Variants in EHMT1 observed in about 807,000 individuals in gnomAD.
The protein encoded by EHMT1 is euchromatic histone lysine methyltransferase 1.
Under a neutral mutation model 147.2 loss-of-function variants are expected in EHMT1, and 15 were observed. The ratio of observed to expected loss-of-function variants is 0.10; its 90% CI spans 0.07 to 0.16. The LOEUF (loss-of-function observed/expected upper bound fraction) is 0.16. Ranked by LOEUF, EHMT1 falls within the 10% of genes least tolerant of loss-of-function variation. The pLI is 1.00. For missense variants in EHMT1, 1,587 were observed against 1,772.4 expected (o/e 0.90, Z 1.88); for synonymous variants, 795 against 709.6 (o/e 1.12, Z -1.91).
chr9:137,774,971 C>A, intron 10 of EHMT1, 138 bp from the exon 11 acceptor site: 1 of 1,226,906 alleles, frequency 8.2e-7, no homozygotes, highest in Non-Finnish European at 1.2e-6. Context: ...CAAAGCCAAG[C>A]TGGCCTTGCA....
At chr9:137,821,394 C>G (rs1304109989) in intron 25 of EHMT1, among the ~76,000 whole-genome samples, 2 of 132,406 alleles carry the variant, frequency 1.5e-5, no homozygotes, top group Non-Finnish European at 3.1e-5. Flanking sequence ...GTGGCATAAT[C>G]ATAGCTCACT....
intron 15 of EHMT1, chr9:137,784,419 T>C: frequency 8.3e-7 from 1 of 1,208,894 alleles, no homozygotes; most frequent in Non-Finnish European, 1.0e-6. Flanking sequence ...AGCCAATACT[T>C]TTTTGGTCGT....
intron 1 of EHMT1, among the ~76,000 whole-genome samples, chr9:137,653,187 C>G (rs932909991): frequency 6.6e-6 from 1 of 152,132 alleles, no homozygotes; most frequent in Admixed American, 6.6e-5. Flanking sequence ...ACAGGTGTCC[C>G]TTTTTTATTT....
chr9:137,635,113 A>G (rs1403927260), intron 1 of EHMT1, among the ~76,000 whole-genome samples: 2 of 151,952 alleles, frequency 1.3e-5, no homozygotes, highest in Non-Finnish European at 2.9e-5. Flanking sequence ...TTGAATATGT[A>G]GATCAGTTTA....
chr9:137,732,254 C>T lies in EHMT1; in HGVS notation c.823+3725C>T, dbSNP rs1420845412. Among the ~76,000 whole-genome samples, 2 of 152,246 alleles carry T rather than the reference C, an allele frequency of 1.3e-5. No individual in the cohort carries two copies. The highest frequency in any genetic ancestry group is 2.9e-5 in the Non-Finnish European group (2 of 68,044). On this transcript the variant is annotated intron_variant, in intron 4 of 26. Coordinates refer to ENST00000460843, the MANE Select transcript of EHMT1 (RefSeq NM_024757.5). This position sits in a 1 kb window ranked among gnomAD's most constrained non-coding sequence, Gnocchi z 4.6. ...GTTTGGGTCCCCAGAAGGATCACCG[C>T]TCTTCACTCCCGCAGTTCAGCGAAC...
chr9:137,750,972 A>G (rs1240664040), intron 6 of EHMT1, among the ~76,000 whole-genome samples: 1 of 152,242 alleles, frequency 6.6e-6, no homozygotes, highest in Non-Finnish European at 1.5e-5. Flanking sequence ...CAGGGCACGT[A>G]ACAAATGTGA....
At chr9:137,678,964 A>AT (rs1438327735) in intron 1 of EHMT1, among the ~76,000 whole-genome samples, 2 of 151,822 alleles carry the variant, frequency 1.3e-5, no homozygotes, top group African/African-American at 2.4e-5. Context: ...ATTTTATTTT[A>AT]TTTTTTTGAG....
At chr9:137,698,919 C>G (rs946314776) in intron 1 of EHMT1, among the ~76,000 whole-genome samples, 10 of 151,782 alleles carry the variant, frequency 6.6e-5, no homozygotes, top group African/African-American at 2.4e-4. Context: ...ATCTTTCCCC[C>G]ACTATACATT....
chr9:137,831,760 C>T (rs1209812173), intron 25 of EHMT1, among the ~76,000 whole-genome samples: 2 of 152,218 alleles, frequency 1.3e-5, no homozygotes, highest in African/African-American at 4.8e-5. Flanking sequence ...GTGTTTCAAG[C>T]GTCAGGTCCC....
chr9:137,788,025 G>A (rs1187187169), intron 15 of EHMT1: 14 of 1,414,594 alleles, frequency 9.9e-6, no homozygotes, highest in East Asian at 2.3e-5. Context: ...CCTAGGCTCC[G>A]GGAAGAGGGT....
chr9:137,834,142 C>T, intron 25 of EHMT1: 1 of 658,204 alleles, frequency 1.5e-6, no homozygotes, highest in Non-Finnish European at 2.6e-6. Context: ...GCGAGGACGG[C>T]AGGGTGCGGG....
intron 3 of EHMT1, among the ~76,000 whole-genome samples, chr9:137,726,421 C>T (rs1946634969): frequency 6.6e-6 from 1 of 152,202 alleles, no homozygotes; most frequent in Admixed American, 6.5e-5. Context: ...GTCCCCGAGG[C>T]TCATCCACGC....
At chr9:137,794,300 C>T (rs746301506) in intron 16 of EHMT1, among the ~76,000 whole-genome samples, 2 of 151,954 alleles carry the variant, frequency 1.3e-5, no homozygotes, top group Non-Finnish European at 2.9e-5. Context: ...TAAATATTTG[C>T]ACATTAGGCT....
At chr9:137,736,856 A>G (rs890468911) in intron 4 of EHMT1, among the ~76,000 whole-genome samples, 1 of 151,892 alleles carries the variant, frequency 6.6e-6, no homozygotes, top group Non-Finnish European at 1.5e-5. Context: ...ATACCACTGC[A>G]CTCCAGCCTG....
At chr9:137,777,736 A>T in intron 12 of EHMT1, 146 bp from the exon 13 acceptor site, 1 of 1,262,006 alleles carries the variant, frequency 7.9e-7, no homozygotes, top group Admixed American at 1.7e-5. Flanking sequence ...TTGGTTCTGA[A>T]TCCTGAACCG....
intron 18 of EHMT1, among the ~76,000 whole-genome samples, chr9:137,805,702 G>A (rs564533539): frequency 4.4e-4 from 66 of 150,014 alleles, no homozygotes; most frequent in Admixed American, 1.8e-3. Context: ...TTGCTCCGTC[G>A]CCCAGGCTGG....
chr9:137,721,951 C>G (rs1946099408), intron 3 of EHMT1, among the ~76,000 whole-genome samples: 5 of 151,618 alleles, frequency 3.3e-5, no homozygotes. Context: ...GATAACTCTT[C>G]ACCTAGCCCT....
chr9:137,755,058 GT>G (rs1170231083), intron 8 of EHMT1, among the ~76,000 whole-genome samples: 1 of 152,232 alleles, frequency 6.6e-6, no homozygotes, highest in African/African-American at 2.4e-5. Context: ...GCCAAGGGCC[GT>G]TTTTGTTTCC....
intron 4 of EHMT1, among the ~76,000 whole-genome samples, chr9:137,736,506 A>G (rs1356217209): frequency 6.6e-6 from 1 of 152,274 alleles, no homozygotes; most frequent in Non-Finnish European, 1.5e-5. Context: ...GCCCAACAGC[A>G]GCATGTACAC....
Sources: allele counts gnomAD v4.1 joint callset (sites outside exome capture counted in the v4.1 genomes callset), GRCh38; gene constraint gnomAD v4.1.1; non-coding constraint Gnocchi (gnomAD v3.1); transcripts MANE v1.5; gene names NCBI Gene and HGNC (gene_info 2026-07-23, HGNC 2026-07-21).